Variants in IPP observed in about 807,000 individuals in gnomAD.
IPP encodes the protein intracisternal A particle-promoted polypeptide.
In IPP, 41 loss-of-function variants were observed where a neutral mutation model predicts 64.1. The observed-to-expected ratio is 0.64, with a 90% CI of 0.50 to 0.83. The LOEUF is 0.83. IPP is among the 40% of genes least tolerant of loss of function. The probability of loss-of-function intolerance (pLI) is 0.00; values close to 1 mark genes in which losing one functional copy is unlikely to be tolerated. For synonymous variants in IPP, 214 were observed against 235.2 expected (o/e 0.91, Z 0.83); for missense variants, 649 against 703.0 (o/e 0.92, Z 0.87).
intron 5 of IPP, among the ~76,000 whole-genome samples, chr1:45,722,978 G>C (rs956108078): frequency 6.6e-6 from 1 of 152,198 alleles, no homozygotes; most frequent in Non-Finnish European, 1.5e-5. Flanking sequence ...GGAGAGATGG[G>C]AAGTGACTGC....
intron 8 of IPP, among the ~76,000 whole-genome samples, chr1:45,706,604 C>T (rs2148549740): frequency 6.6e-6 from 1 of 152,236 alleles, no homozygotes; most frequent in South Asian, 2.1e-4. Flanking sequence ...CATGCACCAA[C>T]CTGCCCAGCT....
chr1:45,699,954 A>G lies in IPP; in HGVS notation c.*12T>C. 1.2e-6 allele frequency: 2 copies of G among 1,613,832 alleles called. No homozygotes were observed. Among genetic ancestry groups the G allele is most frequent in the Non-Finnish European group, 1.7e-6 (2 of 1,179,802 alleles). ...TTCAAAATGTTCCTTGTGCTCTGTT[A>G]TGCTTTATATTTCATAGCACAGCAA... is the stretch of plus-strand genomic sequence containing the variant. On this transcript the variant is annotated 3_prime_UTR_variant, in exon 9 of 9. Coordinates refer to ENST00000396478, the MANE Select transcript of IPP (RefSeq NM_005897.3).
chr1:45,709,098 T>C (rs2148552327), intron 8 of IPP, among the ~76,000 whole-genome samples: 1 of 147,528 alleles, frequency 6.8e-6, no homozygotes, highest in South Asian at 2.1e-4. Context: ...TAAGAGAAGT[T>C]CATCACCATC....
At chr1:45,695,513 C>A (rs1218546607), downstream of IPP, among the ~76,000 whole-genome samples, 1 of 152,066 alleles carries the variant, frequency 6.6e-6, no homozygotes, top group African/African-American at 2.4e-5. Context: ...CACTTGAAAA[C>A]GTAGTCTCTA....
chr1:45,749,518 G>GTTTT lies in IPP; in HGVS notation c.-51+1075_-51+1078dup, dbSNP rs1233626706. Among the ~76,000 whole-genome samples, 52 of 123,690 alleles carry GTTTT rather than the reference G, an allele frequency of 4.2e-4. No individual in the cohort carries two copies. In the East Asian group the frequency reaches 0.01, roughly 25 times the overall value. The allele number at this position is 123,690 out of a possible 152,430, so 81.1% of individuals were successfully genotyped here. On this transcript the variant is annotated intron_variant, in intron 1 of 8. Coordinates refer to ENST00000396478, the MANE Select transcript of IPP (RefSeq NM_005897.3). The stretch of plus-strand genomic sequence containing the variant: ...TGTTTTTTTTTTTTGTTTTGTTTTT[G>GTTTT]TTTTTTGTTTTTTTTTTTTTGAGAC...
chr1:45,747,421 T>C (rs1646153626), intron 1 of IPP, among the ~76,000 whole-genome samples: 2 of 152,184 alleles, frequency 1.3e-5, no homozygotes, highest in Admixed American at 6.5e-5. Flanking sequence ...AATGTTAGTA[T>C]GACAGTCTCA....
chr1:45,695,915 C>T (rs1238644676), downstream of IPP, among the ~76,000 whole-genome samples: 3 of 152,160 alleles, frequency 2.0e-5, no homozygotes, highest in South Asian at 2.1e-4. Flanking sequence ...GTGACCCACC[C>T]ACCTTGGCCT....
chr1:45,729,884 A>G (rs1645883142), intron 3 of IPP, 115 bp from the exon 4 acceptor site: 1 of 645,640 alleles, frequency 1.5e-6, no homozygotes, highest in African/African-American at 1.9e-5. Flanking sequence ...AATCATCATC[A>G]AACAATGGTG....
intron 2 of IPP, among the ~76,000 whole-genome samples, chr1:45,741,968 C>G (rs1217855006): frequency 1.3e-5 from 2 of 152,162 alleles, no homozygotes; most frequent in South Asian, 2.1e-4. Context: ...GTTTAAGTCA[C>G]TTGTCCACAA....
At chr1:45,725,110 G>A (rs1570002826) in intron 5 of IPP, among the ~76,000 whole-genome samples, 2 of 132,374 alleles carry the variant, frequency 1.5e-5, no homozygotes, top group African/African-American at 2.8e-5. Flanking sequence ...TCCGGGAGGG[G>A]GGAGGGGGGG....
intron 8 of IPP, among the ~76,000 whole-genome samples, chr1:45,704,513 G>A (rs192110144): frequency 1.6e-4 from 25 of 152,270 alleles, no homozygotes; most frequent in African/African-American, 4.3e-4. Context: ...TGGGATTACC[G>A]GCGTGAGACA....
At chr1:45,703,869 G>A (rs1198883864) in intron 8 of IPP, among the ~76,000 whole-genome samples, 1 of 152,182 alleles carries the variant, frequency 6.6e-6, no homozygotes, top group African/African-American at 2.4e-5. Flanking sequence ...GCCTCCTTGA[G>A]AGCAGTGGCT....
chr1:45,717,110 T>G, intron 6 of IPP, 93 bp from the exon 7 acceptor site: 1 of 1,185,274 alleles, frequency 8.4e-7, no homozygotes. Flanking sequence ...ATACTTCATA[T>G]TATAGATATC....
At chr1:45,701,295 G>GT (rs978142278) in intron 8 of IPP, among the ~76,000 whole-genome samples, 58 of 140,202 alleles carry the variant, frequency 4.1e-4, no homozygotes, top group South Asian at 2.3e-3. Flanking sequence ...TTTTTTTTTT[G>GT]TTTTTTTTTG....
chr1:45,715,549 G>A (rs1451015232), intron 7 of IPP, among the ~76,000 whole-genome samples: 1 of 151,714 alleles, frequency 6.6e-6, no homozygotes, highest in East Asian at 1.9e-4. Flanking sequence ...GCTGAGGCAG[G>A]AGAATGGTGT....
At chr1:45,732,722 A>C (rs953949692) in intron 3 of IPP, among the ~76,000 whole-genome samples, 14 of 152,138 alleles carry the variant, frequency 9.2e-5, no homozygotes, top group Admixed American at 9.2e-4. Flanking sequence ...GCTGGAGTGC[A>C]GTGGTGCGAT....
chr1:45,737,829 G>A (rs759834525), intron 3 of IPP, among the ~76,000 whole-genome samples: 15 of 151,920 alleles, frequency 9.9e-5, no homozygotes, highest in Non-Finnish European at 1.8e-4. Context: ...ACAATGCCTA[G>A]GTCATTCACC....
At chr1:45,738,406 G>T (rs916696710) in intron 3 of IPP, among the ~76,000 whole-genome samples, 4 of 151,970 alleles carry the variant, frequency 2.6e-5, no homozygotes, top group South Asian at 2.1e-4. Flanking sequence ...GTGTCCCTAA[G>T]TGCAAGAAAG....
At position 45,714,418 on chromosome 1, in the gene IPP, C is replaced by T. The variant is rs771998580; in HGVS notation, c.1358G>A (p.Arg453His). The T allele has an allele frequency of 1.1e-5, 18 of 1,613,890 alleles. No individual in the cohort carries two copies. The highest frequency in any genetic ancestry group is 1.3e-5 in the African/African-American group (1 of 74,924). Reference sequence around the variant, plus strand: ...AAGTGGATCATAGACTTCAAAAGAACGAAGTTCTATTCCTTCATTGCTGAT... The same window carrying T: ...AAGTGGATCATAGACTTCAAAAGAATGAAGTTCTATTCCTTCATTGCTGAT... Reference protein sequence around the residue: ...GGISNEGIELRSFEVYDPLSK... With the variant: ...GGISNEGIELHSFEVYDPLSK... The change falls in exon 8 of 9, where the codon CGT becomes CAT. Residue 453 changes from arginine to histidine, a missense_variant. Coordinates refer to ENST00000396478, the MANE Select transcript of IPP (RefSeq NM_005897.3).
Sources: gnomAD v4.1 joint callset for allele counts (sites outside exome capture counted in the v4.1 genomes callset) on GRCh38, gnomAD v4.1.1 for gene constraint, MANE v1.5 for transcripts, NCBI Gene and HGNC (gene_info 2026-07-23, HGNC 2026-07-21) for gene names.